Variants in SGK2 observed in about 807,000 individuals in gnomAD.
The protein encoded by SGK2 is serine/threonine-protein kinase Sgk2.
A neutral mutation model predicts 47.5 loss-of-function variants in SGK2; 36 were observed. That is an observed-to-expected ratio of 0.76 (90% confidence interval 0.58 to 1.00). The LOEUF (loss-of-function observed/expected upper bound fraction) is 1.00. Among genes scored for constraint, SGK2 ranks in the 50% least tolerant of loss-of-function variants. The pLI is 0.00. For synonymous variants in SGK2, 157 were observed against 181.9 expected (o/e 0.86, Z 1.10); for missense variants, 404 against 467.4 (o/e 0.86, Z 1.25).
At chr20:43,570,094 G>C (rs1430714557) in intron 6 of SGK2, among the ~76,000 whole-genome samples, 1 of 152,118 alleles carries the variant, frequency 6.6e-6, no homozygotes, top group Non-Finnish European at 1.5e-5. Context: ...CTAAGTGAAG[G>C]GCTTTCCATG....
chr20:43,579,827 G>T, intron 11 of SGK2, 145 bp from the exon 12 acceptor site: 1 of 660,770 alleles, frequency 1.5e-6, no homozygotes. Context: ...AAACTCTCTT[G>T]TCCCAGGAAA....
chr20:43,567,326 G>C (rs984374801), intron 3 of SGK2, among the ~76,000 whole-genome samples: 1 of 152,214 alleles, frequency 6.6e-6, no homozygotes, highest in African/African-American at 2.4e-5. Flanking sequence ...CTAAATGTCT[G>C]CATTGTTAGC....
At chr20:43,570,837 T>C (rs183992074) in intron 7 of SGK2, 108 bp downstream of exon 7, 224 of 1,263,728 alleles carry the variant, frequency 1.8e-4, no homozygotes, top group Non-Finnish European at 2.3e-4. Context: ...CTTGGTCCTT[T>C]GTTTTGGGTG....
rs749832385 is a variant in SGK2 at position 43,569,471 on chromosome 20, A to G, written c.315A>G (p.Thr105=). ...TGGGCCTGCGCTACTCCTTCCAGAC[A>G]CCTGAGAAGCTCTACTTCGTGCTCG... is the stretch of plus-strand genomic sequence containing the variant. The part of the protein sequence containing the change: ...FLVGLRYSFQ[T]PEKLYFVLDY... Residue 105 remains threonine (T), a synonymous_variant, in exon 6 of 13, where the codon ACA becomes ACG. Transcript: ENST00000373100. The G allele has an allele frequency of 7.4e-6, 12 of 1,613,338 alleles. No individual in the cohort carries two copies. The highest frequency in any genetic ancestry group is 1.7e-5 in the Admixed American group (1 of 59,944).
intron 1 of SGK2, among the ~76,000 whole-genome samples, chr20:43,560,123 G>C: frequency 6.6e-6 from 1 of 152,286 alleles, no homozygotes; most frequent in East Asian, 1.9e-4. Flanking sequence ...GGCATGCCAG[G>C]TTCCCACCAG....
chr20:43,563,674 TG>T (rs1224192897), intron 1 of SGK2, among the ~76,000 whole-genome samples: 1 of 152,246 alleles, frequency 6.6e-6, no homozygotes, highest in Non-Finnish European at 1.5e-5. Flanking sequence ...AAGTGCTCTG[TG>T]GTGGGACACT....
chr20:43,584,054 TGGTCAGCTAGC>T (rs1296319972), intron 12 of SGK2, among the ~76,000 whole-genome samples: 1 of 152,168 alleles, frequency 6.6e-6, no homozygotes, highest in Non-Finnish European at 1.5e-5. Flanking sequence ...CTCATATCTG[TGGTCAGCTAGC>T]GGGACAGTTG....
At position 43,572,104 on chromosome 20, in the gene SGK2, A is replaced by C; in HGVS notation, c.564A>C (p.Glu188Asp). Residue 188 changes from glutamate (E) to aspartate (D), a missense_variant, in exon 9 of 13, where the codon GAA becomes GAC. Transcript: ENST00000373100. This position sits in a 1 kb window ranked among gnomAD's most constrained non-coding sequence, Gnocchi z 4.2. ...TCTGCAAGGAAGGTGTAGAGCCTGAAGACACCACATCCACATTCTGTGGTA... is the reference window on the plus strand; with the variant it reads ...TCTGCAAGGAAGGTGTAGAGCCTGACGACACCACATCCACATTCTGTGGTA... ...FGLCKEGVEP[E>D]DTTSTFCGTP... is the part of the protein sequence containing the mutation. The C allele has an allele frequency of 6.5e-7, 1 of 1,550,064 alleles. No individual in the cohort carries two copies.
intron 1 of SGK2, among the ~76,000 whole-genome samples, chr20:43,561,385 GATTTT>G (rs1194820887): frequency 7.5e-6 from 1 of 133,006 alleles, no homozygotes; most frequent in Non-Finnish European, 1.6e-5. Flanking sequence ...AGAGGCTTTG[GATTTT>G]TTTTTTTTTT....
chr20:43,569,357 A>G, intron 5 of SGK2, 28 bp from the exon 6 acceptor site: 1 of 1,612,622 alleles, frequency 6.2e-7, no homozygotes, highest in South Asian at 1.1e-5. Flanking sequence ...GGGCTGTGAC[A>G]TGGACCCCTC....
In SGK2 at chr20:43,584,315, A is replaced by G. The variant is rs1386308042; in HGVS notation, c.940-537A>G. 2.0e-5 allele frequency among the ~76,000 whole-genome samples: 3 copies of G among 152,264 alleles called. No individual in the cohort carries two copies. The East Asian group carries it at 5.8e-4, about 29-fold the overall frequency. ...TAACCAAGTCATATGGCTAACTTAC[A>G]TTAAAGGAATGGAGAAATAGACTCC... On this transcript the variant is annotated intron_variant, in intron 12 of 12. Coordinates refer to ENST00000373100, the MANE Select transcript of SGK2 (RefSeq NM_170693.3).
chr20:43,567,153 ACTCCCCTCATACCTGG>A, intron 3 of SGK2, 36 bp downstream of exon 3: 1 of 1,570,056 alleles, frequency 6.4e-7, no homozygotes, highest in Non-Finnish European at 8.8e-7. Context: ...TTCCTACTTG[ACTCCCCTCATACCTGG>A]CTCCCCTTGC....
chr20:43,570,249 AG>A (rs1330034637), intron 6 of SGK2, among the ~76,000 whole-genome samples: 1 of 152,174 alleles, frequency 6.6e-6, no homozygotes, highest in Non-Finnish European at 1.5e-5. Context: ...GCCAATTATA[AG>A]CTACATGACC....
intron 12 of SGK2, among the ~76,000 whole-genome samples, chr20:43,581,621 C>T (rs531844949): frequency 1.3e-5 from 2 of 152,260 alleles, no homozygotes; most frequent in South Asian, 4.1e-4. Flanking sequence ...GGCACGATCT[C>T]AGGTTCAAGC....
intron 1 of SGK2, among the ~76,000 whole-genome samples, chr20:43,563,080 G>C (rs369353496): frequency 1.4e-5 from 2 of 147,328 alleles, no homozygotes; most frequent in African/African-American, 5.1e-5. Flanking sequence ...AGGTTGCAAT[G>C]AGTTGAGATA....
intron 12 of SGK2, chr20:43,583,105 A>G (rs990434136): frequency 2.6e-6 from 3 of 1,140,248 alleles, no homozygotes; most frequent in African/African-American, 3.2e-5. Context: ...AACACTGCCA[A>G]TGTTAATTCA....
intron 9 of SGK2, among the ~76,000 whole-genome samples, chr20:43,574,384 G>A (rs1980341616): frequency 6.6e-6 from 1 of 152,202 alleles, no homozygotes; most frequent in African/African-American, 2.4e-5. Context: ...TCCAGCACAA[G>A]GATATGCCAC....
At chr20:43,569,691 A>G in intron 6 of SGK2, 175 bp downstream of exon 6, 4 of 649,432 alleles carry the variant, frequency 6.2e-6, no homozygotes, top group Non-Finnish European at 1.0e-5. Flanking sequence ...AAGGCCACCC[A>G]GCGCATACCT....
intron 10 of SGK2, among the ~76,000 whole-genome samples, chr20:43,575,470 A>AAG (rs1980408967): frequency 6.6e-6 from 1 of 151,678 alleles, no homozygotes. Flanking sequence ...GTCTCAAAAA[A>AAG]AAAAAAAAAA....
Sources: gnomAD v4.1 joint callset for allele counts (sites outside exome capture counted in the v4.1 genomes callset) on GRCh38, gnomAD v4.1.1 for gene constraint, Gnocchi (gnomAD v3.1) non-coding constraint, MANE v1.5 for transcripts, NCBI Gene and HGNC (gene_info 2026-07-23, HGNC 2026-07-21) for gene names.